Variants in DYM observed in about 807,000 individuals in gnomAD.
DYM encodes the protein dymeclin.
A neutral mutation model predicts 93.1 loss-of-function variants in DYM; 78 were observed. The observed-to-expected ratio is 0.84, with a 90% CI of 0.70 to 1.01. DYM has a LOEUF of 1.01. Ranked by LOEUF, DYM falls within the 50% of genes least tolerant of loss-of-function variation. The probability of loss-of-function intolerance (pLI) is 0.00; values close to 1 mark genes in which losing one functional copy is unlikely to be tolerated. For missense variants in DYM, 789 were observed against 845.0 expected (o/e 0.93, Z 0.82); for synonymous variants, 321 against 319.7 (o/e 1.00, Z -0.04).
intron 14 of DYM, among the ~76,000 whole-genome samples, chr18:49,192,957 A>C (rs1467924418): frequency 1.3e-5 from 2 of 152,188 alleles, no homozygotes; most frequent in African/African-American, 4.8e-5. Flanking sequence ...GTTAGGCAGG[A>C]AGAATAAGTT....
At chr18:49,270,686 A>G (rs944310386) in intron 11 of DYM, among the ~76,000 whole-genome samples, 1 of 152,216 alleles carries the variant, frequency 6.6e-6, no homozygotes, top group Non-Finnish European at 1.5e-5. Context: ...ATCAAGTTGT[A>G]TAACTTAAAT....
intron 2 of DYM, among the ~76,000 whole-genome samples, chr18:49,416,287 G>A (rs1396679421): frequency 1.3e-5 from 2 of 152,212 alleles, no homozygotes; most frequent in Non-Finnish European, 2.9e-5. Flanking sequence ...AACAGGTTCA[G>A]TGAGATTAAG....
intron 8 of DYM, among the ~76,000 whole-genome samples, chr18:49,288,294 CA>C (rs1246746919): frequency 6.6e-6 from 1 of 152,074 alleles, no homozygotes; most frequent in Non-Finnish European, 1.5e-5. Flanking sequence ...GCTTTACATA[CA>C]ATCAATAAAT....
intron 5 of DYM, among the ~76,000 whole-genome samples, chr18:49,372,278 G>C (rs2067114661): frequency 6.6e-6 from 1 of 152,148 alleles, no homozygotes; most frequent in African/African-American, 2.4e-5. Context: ...ACTGTAAAAA[G>C]AAATTGGCAG....
chr18:49,373,105 A>G (rs1279444254), intron 5 of DYM, among the ~76,000 whole-genome samples: 3 of 152,310 alleles, frequency 2.0e-5, no homozygotes, highest in East Asian at 3.9e-4. Flanking sequence ...TTAATGGTAT[A>G]TAATGAAAAA....
intron 15 of DYM, among the ~76,000 whole-genome samples, chr18:49,132,898 G>A (rs978350886): frequency 6.6e-6 from 1 of 152,146 alleles, no homozygotes; most frequent in Non-Finnish European, 1.5e-5. Context: ...ATAAAAAATT[G>A]TTTTAGTAAA....
chr18:49,296,526 CAG>C (rs1157598935), intron 8 of DYM, among the ~76,000 whole-genome samples: 1 of 151,930 alleles, frequency 6.6e-6, no homozygotes, highest in Non-Finnish European at 1.5e-5. Flanking sequence ...TAACATGAAA[CAG>C]AGACAGATAA....
At chr18:49,290,036 T>C (rs543275180) in intron 8 of DYM, among the ~76,000 whole-genome samples, 1 of 150,918 alleles carries the variant, frequency 6.6e-6, no homozygotes, top group South Asian at 2.1e-4. Context: ...TCATTGAAAA[T>C]AAAATGCACA....
intron 15 of DYM, among the ~76,000 whole-genome samples, chr18:49,157,131 T>A (rs1024500368): frequency 2.6e-5 from 4 of 152,082 alleles, no homozygotes; most frequent in Non-Finnish European, 5.9e-5. Context: ...GGGGTTCAGG[T>A]ACACGCTGTG....
intron 17 of DYM, among the ~76,000 whole-genome samples, chr18:49,076,588 A>C (rs1301703503): frequency 1.3e-5 from 2 of 152,240 alleles, no homozygotes; most frequent in African/African-American, 4.8e-5. Context: ...GGTGAATTGT[A>C]CATTCTGCTT....
intron 11 of DYM, among the ~76,000 whole-genome samples, chr18:49,259,991 T>A (rs11873094): frequency 0.035 from 5,386 of 152,252 alleles, 163 homozygotes; most frequent in East Asian, 0.082. Context: ...TGGAATTTTT[T>A]AAAAAAATTC....
At chr18:49,428,989 C>T (rs1162467997) in intron 2 of DYM, among the ~76,000 whole-genome samples, 1 of 152,198 alleles carries the variant, frequency 6.6e-6, no homozygotes, top group Non-Finnish European at 1.5e-5. Context: ...AAGTCTGACA[C>T]TCAATGAGCT....
intron 16 of DYM, among the ~76,000 whole-genome samples, chr18:49,107,193 C>T (rs1376077112): frequency 1.3e-5 from 2 of 152,194 alleles, no homozygotes; most frequent in Admixed American, 6.5e-5. Context: ...TCCAGTTGAT[C>T]GAAGTGGCTA....
chr18:49,052,105 C>G lies in DYM; in HGVS notation c.2026-7901G>C, dbSNP rs544244508. Among the ~76,000 whole-genome samples the G allele has an allele frequency of 3.9e-5, 6 of 152,352 alleles. No homozygotes were observed. In the East Asian group the frequency reaches 1.2e-3, roughly 29 times the overall value. On this transcript the variant is annotated intron_variant, in intron 17 of 17. Coordinates refer to ENST00000675505, the MANE Select transcript of DYM (RefSeq NM_001353214.3). ...TGCATGTTCTCCAGGACTGGCTACA[C>G]AGAGTAAACACCTGGAAGCACATGG...
chr18:49,117,996 C>CTT (rs35936099), intron 16 of DYM, among the ~76,000 whole-genome samples: 3,802 of 53,582 alleles, frequency 0.071, 241 homozygotes, highest in East Asian at 0.16. Context: ...TGTGCCCAGC[C>CTT]TTTTTTTTTT....
chr18:49,163,052 G>A lies in DYM; in HGVS notation c.1728+633C>T, dbSNP rs572532293. 2.0e-5 allele frequency among the ~76,000 whole-genome samples: 3 copies of A among 152,282 alleles called. No individual in the cohort carries two copies. The East Asian group carries it at 5.8e-4, about 29-fold the overall frequency. ...ACTTGCTCCCCTTAAGTTCAATAAG[G>A]AATCTTTGCATACTTCCTATAAAAT... On this transcript the variant is annotated intron_variant, in intron 15 of 17. Coordinates refer to ENST00000675505, the MANE Select transcript of DYM (RefSeq NM_001353214.3).
At chr18:49,336,738 T>C (rs1204711936) in intron 6 of DYM, among the ~76,000 whole-genome samples, 1 of 152,146 alleles carries the variant, frequency 6.6e-6, no homozygotes, top group African/African-American at 2.4e-5. Flanking sequence ...CCTGCCTTTA[T>C]GAAGCTTACA....
At chr18:49,137,940 C>T (rs899305072) in intron 15 of DYM, among the ~76,000 whole-genome samples, 1 of 152,160 alleles carries the variant, frequency 6.6e-6, no homozygotes, top group Non-Finnish European at 1.5e-5. Flanking sequence ...TAAAATAGTT[C>T]TAAAAACCCC....
chr18:49,069,768 C>CA (rs2144851834), intron 17 of DYM, among the ~76,000 whole-genome samples: 1 of 152,292 alleles, frequency 6.6e-6, no homozygotes, highest in South Asian at 2.1e-4. Flanking sequence ...TTGGGCCAGG[C>CA]ATGGTGGCTC....
Sources: allele counts gnomAD v4.1 joint callset (sites outside exome capture counted in the v4.1 genomes callset), GRCh38; gene constraint gnomAD v4.1.1; transcripts MANE v1.5; gene names NCBI Gene and HGNC (gene_info 2026-07-23, HGNC 2026-07-21).